Variants in UNC80 observed in about 807,000 individuals in gnomAD.
UNC80 encodes unc-80 subunit of NALCN channel complex.
Under a neutral mutation model 384.6 loss-of-function variants are expected in UNC80, and 164 were observed. The observed-to-expected ratio is 0.43, with a 90% CI of 0.38 to 0.49. The LOEUF is 0.49. Ranked by LOEUF, UNC80 falls within the 20% of genes least tolerant of loss-of-function variation. UNC80 has a pLI of 0.00. For synonymous variants in UNC80, 1,486 were observed against 1,527.8 expected, an observed-to-expected ratio of 0.97 and a Z score of 0.64; for missense variants, 3,330 against 4,143.0, an observed-to-expected ratio of 0.80 and a Z score of 5.39.
intron 22 of UNC80, among the ~76,000 whole-genome samples, chr2:209,853,567 A>AT (rs576301332): frequency 2.6e-5 from 4 of 152,162 alleles, no homozygotes; most frequent in Non-Finnish European, 5.9e-5. Flanking sequence ...ACTGTAAGGC[A>AT]TTTTTTAAAA....
chr2:209,844,531 CCTTCCTTCCTTCCTTCCTTT>C (rs2082034722), intron 21 of UNC80, among the ~76,000 whole-genome samples: 4 of 129,718 alleles, frequency 3.1e-5, no homozygotes, highest in African/African-American at 6.1e-5. Flanking sequence ...TTCCTTCCTT[CCTTCCTTCCTTCCTTCCTTT>C]TTCTTTCCAA....
At chr2:209,922,210 T>C in intron 34 of UNC80, 42 bp from the exon 35 acceptor site, 2 of 1,549,406 alleles carry the variant, frequency 1.3e-6, no homozygotes, top group Non-Finnish European at 8.7e-7. Flanking sequence ...ATAACTCTTT[T>C]GTTATAAAGC....
At chr2:209,950,601 C>G (rs1486580683) in intron 47 of UNC80, among the ~76,000 whole-genome samples, 1 of 150,544 alleles carries the variant, frequency 6.6e-6, no homozygotes, top group Non-Finnish European at 1.5e-5. Flanking sequence ...TCTTGTTGCC[C>G]AGGCTGGAGT....
chr2:209,953,246 T>C (rs1575126057), intron 47 of UNC80, among the ~76,000 whole-genome samples: 1 of 151,726 alleles, frequency 6.6e-6, no homozygotes, highest in Non-Finnish European at 1.5e-5. Flanking sequence ...AGTGAAACCC[T>C]GTCTCTACTA....
chr2:209,918,171 A>G (rs2089715092), intron 32 of UNC80, among the ~76,000 whole-genome samples: 1 of 152,220 alleles, frequency 6.6e-6, no homozygotes, highest in South Asian at 2.1e-4. Flanking sequence ...GTCTCTATAA[A>G]CCTCAAAATC....
chr2:209,855,908 T>A (rs2082877827), intron 22 of UNC80, among the ~76,000 whole-genome samples: 5 of 151,804 alleles, frequency 3.3e-5, no homozygotes, highest in Admixed American at 1.3e-4. Flanking sequence ...AACATTTTAA[T>A]TTTTTTCAAA....
At chr2:209,985,490 T>G (rs1406861152) in intron 61 of UNC80, among the ~76,000 whole-genome samples, 6 of 152,234 alleles carry the variant, frequency 3.9e-5, no homozygotes. Flanking sequence ...AAAGAATGTC[T>G]GTTCTAGCAC....
In UNC80 at chr2:209,773,111, A is replaced by G. The variant is rs2076675839; in HGVS notation, c.110A>G (p.Lys37Arg). 6.2e-7 allele frequency: 1 copy of G among 1,613,464 alleles called. No individual in the cohort carries two copies. The highest frequency in any genetic ancestry group is 2.2e-5 in the East Asian group (1 of 44,854). Reference protein sequence around the residue: ...WRQTSAFLRPKLGKQYEASCV... With the variant: ...WRQTSAFLRPRLGKQYEASCV... The stretch of plus-strand genomic sequence containing the variant: ...TTTTTCAGTGCATTTTTGAGGCCCA[A>G]ACTGGGGAAGCAATATGAAGCTTCT... The change falls in exon 2 of 65, where the codon AAA becomes AGA. Residue 37 changes from lysine to arginine, a missense_variant. Around this residue, in one of 8 missense-constraint regions of UNC80, gnomAD observed 86 missense variants for 141.5 expected, o/e 0.61. Transcript: ENST00000673920.
chr2:209,924,033 A>G (rs1193277735), intron 35 of UNC80, among the ~76,000 whole-genome samples: 10 of 152,178 alleles, frequency 6.6e-5, no homozygotes, highest in Middle Eastern at 3.4e-3. Flanking sequence ...TTTATATAAC[A>G]TAACATTATA....
intron 23 of UNC80, among the ~76,000 whole-genome samples, chr2:209,876,346 T>C (rs559151539): frequency 1.3e-5 from 2 of 152,186 alleles, no homozygotes; most frequent in African/African-American, 2.4e-5. Flanking sequence ...CAACTTTATG[T>C]TCTATTTAAA....
intron 2 of UNC80, among the ~76,000 whole-genome samples, chr2:209,773,856 A>G (rs954371836): frequency 6.6e-6 from 1 of 152,244 alleles, no homozygotes; most frequent in Non-Finnish European, 1.5e-5. Context: ...TGTGAAAATA[A>G]TACTGTTAAT....
chr2:209,945,059 C>T lies in UNC80; in HGVS notation c.7059C>T (p.Ala2353=). 6.5e-7 allele frequency: 1 copy of T among 1,550,346 alleles called. No individual in the cohort carries two copies. The highest frequency in any genetic ancestry group is 1.2e-5 in the South Asian group (1 of 83,848). ...TTGTTTTTCTTTATCAGGATGCTGC[C>T]AATAATGGGCCCAGCAAAGGTGTGT... is the stretch of plus-strand genomic sequence containing the variant. ...VAPLLEFPDA[A]NNGPSKGVSA... Residue 2353 remains alanine, a synonymous_variant, in exon 46 of 65, where the codon GCC becomes GCT. Transcript: ENST00000673920.
At chr2:209,833,276 C>CAAAAAAAA (rs554565630) in intron 16 of UNC80, among the ~76,000 whole-genome samples, 1 of 97,374 alleles carries the variant, frequency 1.0e-5, no homozygotes, top group African/African-American at 3.6e-5. Flanking sequence ...TTTCCTAAGG[C>CAAAAAAAA]AAAAAAAAAA....
chr2:209,778,059 C>A (rs1220011619), intron 4 of UNC80, among the ~76,000 whole-genome samples: 1 of 152,178 alleles, frequency 6.6e-6, no homozygotes, highest in African/African-American at 2.4e-5. Context: ...TTCATTCCTA[C>A]CCCCTTTGCA....
chr2:209,834,103 G>A lies in UNC80; in HGVS notation c.2877G>A (p.Glu959=). The A allele has an allele frequency of 6.4e-7, 1 of 1,551,672 alleles. No homozygotes were observed. The highest frequency in any genetic ancestry group is 8.7e-7 in the Non-Finnish European group (1 of 1,146,980). ...VALSALLDSA[E]KLAPGKKVEE... ...TCAGCGCTCTGCTTGACAGTGCCGA[G>A]AAGTTAGCACCAGGGAAAAAGGTGG... Residue 959 remains glutamate (E), a synonymous_variant, in exon 17 of 65, where the codon GAG becomes GAA. Transcript: ENST00000673920.
intron 22 of UNC80, among the ~76,000 whole-genome samples, chr2:209,865,618 T>A (rs148567428): frequency 1.9e-4 from 29 of 152,194 alleles, no homozygotes; most frequent in African/African-American, 7.0e-4. Context: ...CAACCCCAAT[T>A]GTTGTTCCTG....
chr2:209,789,263 C>T (rs2077647478), intron 5 of UNC80, among the ~76,000 whole-genome samples: 1 of 152,144 alleles, frequency 6.6e-6, no homozygotes, highest in Non-Finnish European at 1.5e-5. Context: ...TAGGTGTTAA[C>T]TATTATTGTT....
At chr2:209,824,130 C>T (rs1024675404) in intron 13 of UNC80, among the ~76,000 whole-genome samples, 8 of 151,988 alleles carry the variant, frequency 5.3e-5, no homozygotes, top group Non-Finnish European at 8.8e-5. Context: ...TGCAAATATT[C>T]GAAAATCTGA....
Position 209,839,001 on chromosome 2 carries a change from C to T in UNC80, c.3042-221C>T, listed in dbSNP as rs191970993. Among the ~76,000 whole-genome samples the T allele has an allele frequency of 6.6e-5, 10 of 152,230 alleles. No individual in the cohort carries two copies. Among genetic ancestry groups the T allele is most frequent in the Non-Finnish European group, 5.9e-5 (4 of 68,024 alleles). On this transcript the variant is annotated intron_variant, in intron 18 of 64. Transcript: ENST00000673920. The surrounding 1 kb of genome is among the most constrained non-coding windows in gnomAD (Gnocchi z 4.1). The stretch of plus-strand genomic sequence containing the variant: ...TATTAAAGTTGAAAAAACCTGACCA[C>T]CTCATGTCATAGCAGAGACATGACT...
Sources: gnomAD v4.1 joint callset for allele counts (sites outside exome capture counted in the v4.1 genomes callset) on GRCh38, gnomAD v4.1.1 for gene constraint, gnomAD v4.1.1 regional missense constraint, Gnocchi (gnomAD v3.1) non-coding constraint, MANE v1.5 for transcripts, NCBI Gene and HGNC (gene_info 2026-07-23, HGNC 2026-07-21) for gene names.